Variants in GSDMD observed in about 807,000 individuals in gnomAD.
The protein encoded by GSDMD is gasdermin D.
A neutral mutation model predicts 46.7 loss-of-function variants in GSDMD; 46 were observed. The ratio of observed to expected loss-of-function variants is 0.99; its 90% confidence interval spans 0.78 to 1.26. The LOEUF is 1.26. GSDMD is among the 50% of genes most tolerant of loss of function. The probability of loss-of-function intolerance (pLI) is 0.00; values close to 1 mark genes in which losing one functional copy is unlikely to be tolerated. For missense variants in GSDMD, 649 were observed against 638.8 expected (o/e 1.02, Z -0.17); for synonymous variants, 307 against 283.1 (o/e 1.08, Z -0.85).
upstream of GSDMD, chr8:143,558,074 A>G: frequency 2.3e-6 from 1 of 436,106 alleles, no homozygotes; most frequent in South Asian, 2.1e-5. Flanking sequence ...TTGTATTTTT[A>G]GTAGAGACGG....
chr8:143,560,634 C>T lies in GSDMD; in HGVS notation c.442C>T (p.Gln148Ter), dbSNP rs1408193906. 9 of 1,590,272 alleles carry T rather than the reference C, an allele frequency of 5.7e-6. No homozygotes were observed. Among genetic ancestry groups the T allele is most frequent in the Non-Finnish European group, 7.7e-6 (9 of 1,168,924 alleles). The change falls in exon 4 of 11, where the codon CAG becomes TAG. Residue 148 changes from glutamine (Q) to a stop codon, truncating the protein, a stop_gained. Coordinates refer to ENST00000262580, the MANE Select transcript of GSDMD (RefSeq NM_024736.7). LOFTEE classifies it high-confidence loss of function. ...GCGGCAGCCAGAACACAAAGTCCTG[C>T]AGCAGCTGCGCAGCCGCGGGGACAA... ...HLRQPEHKVL[Q>*]QLRSRGDNVY...
At chr8:143,557,337 T>TGACGACAGATGCTGCCGCTGTGGC (rs1563902640), upstream of GSDMD, among the ~76,000 whole-genome samples, 2 of 61,426 alleles carry the variant, frequency 3.3e-5, no homozygotes, top group Admixed American at 1.4e-4. Context: ...GCCGCTATGG[T>TGACGACAGATGCTGCCGCTGTGGC]GAAGGATGCT....
intron 3 of GSDMD, 144 bp downstream of exon 3, chr8:143,560,113 GTCC>G (rs1823415534): frequency 1.2e-6 from 1 of 800,658 alleles, no homozygotes; most frequent in Admixed American, 2.0e-5. Flanking sequence ...GCCTCAAGCA[GTCC>G]TCCTGCCTCG....
intron 5 of GSDMD, 116 bp from the exon 6 acceptor site, chr8:143,561,254 G>T: frequency 8.2e-7 from 1 of 1,216,942 alleles, no homozygotes; most frequent in Non-Finnish European, 1.2e-6. Flanking sequence ...GTGCTCTGGT[G>T]TGTGGGTGAT....
At position 143,559,937 on chromosome 8, in the gene GSDMD, C is replaced by T. The variant is rs1823409164; in HGVS notation, c.378C>T (p.Asp126=). ...TGAATGTGTACTCGCTGAGTGTGGA[C>T]CCTAACACCTGGCAGACTCTGCTCC... ...TSMNVYSLSV[D]PNTWQTLLHE... Residue 126 remains aspartate (D), a synonymous_variant, in exon 3 of 11, where the codon GAC becomes GAT. Transcript: ENST00000262580. 1 of 1,612,748 alleles carries T rather than the reference C, an allele frequency of 6.2e-7. No homozygotes were observed. Among genetic ancestry groups the T allele is most frequent in the African/African-American group, 1.3e-5 (1 of 75,056 alleles).
At position 143,560,724 on chromosome 8, in the gene GSDMD, C is replaced by T. The variant is rs1486536233; in HGVS notation, c.532C>T (p.Arg178Trp). 5.1e-6 allele frequency: 8 copies of T among 1,567,604 alleles called. No individual in the cohort carries two copies. Among genetic ancestry groups the T allele is most frequent in the East Asian group, 4.7e-5 (2 of 42,540 alleles). The change falls in exon 4 of 11, where the codon CGG becomes TGG. Residue 178 changes from arginine to tryptophan, a missense_variant. Transcript: ENST00000262580. ...GGTGGAAGTCACGCGCACCCACAAG[C>T]GGGAGGGCTCGGGCCGGTTTTCCCT... Reference protein sequence around the residue: ...KEVEVTRTHKREGSGRFSLPG... With the variant: ...KEVEVTRTHKWEGSGRFSLPG...
chr8:143,557,414 G>T (rs564384130), upstream of GSDMD, among the ~76,000 whole-genome samples: 4 of 151,956 alleles, frequency 2.6e-5, no homozygotes, highest in African/African-American at 4.8e-5. Context: ...AGCTGCTGCC[G>T]CTGTGGCGAA....
At chr8:143,557,375 A>T (rs76515962), upstream of GSDMD, among the ~76,000 whole-genome samples, 1,600 of 70,778 alleles carry the variant, frequency 0.023, 46 homozygotes, top group South Asian at 0.038. Context: ...TGCTGCCGCT[A>T]TGGCGAAGGA....
intron 1 of GSDMD, chr8:143,558,814 A>C (rs550971647): frequency 1.8e-6 from 1 of 566,784 alleles, no homozygotes; most frequent in Admixed American, 2.2e-5. Flanking sequence ...CCCCTATCCC[A>C]GCGGAGGCCC....
At position 143,562,682 on chromosome 8, in the gene GSDMD, G is replaced by C. The variant is rs769506098; in HGVS notation, c.1233G>C (p.Gln411His). 9 of 1,606,406 alleles carry C rather than the reference G, an allele frequency of 5.6e-6. No individual in the cohort carries two copies. The highest frequency in any genetic ancestry group is 7.6e-6 in the Non-Finnish European group (9 of 1,177,186). ...GGCAGGTGGGCAGCCTCTTGGAGCA[G>C]AGTGCCCCGTGGCAGGAGCGCAGCA... ...PLELVGSLLE[Q>H]SAPWQERSTM... Residue 411 changes from glutamine to histidine, a missense_variant, in exon 11 of 11, where the codon CAG becomes CAC. Coordinates refer to ENST00000262580, the MANE Select transcript of GSDMD (RefSeq NM_024736.7).
chr8:143,560,942 G>A lies in GSDMD; in HGVS notation c.580-60G>A, dbSNP rs762143055. On this transcript the variant is annotated intron_variant, in intron 4 of 10. Coordinates refer to ENST00000262580, the MANE Select transcript of GSDMD (RefSeq NM_024736.7). ...CGGGCCTGCCCCCGGCACCCGGCCC[G>A]CACCCGCACCCCACGGCCCGGTGCC... The A allele has an allele frequency of 1.4e-4, 212 of 1,512,856 alleles. 1 individual carries two copies. The highest frequency in any genetic ancestry group is 3.3e-4 in the South Asian group (29 of 88,404). The allele number at this position is 1,512,856 out of a possible 1,614,324, so 93.7% of individuals were successfully genotyped here. A position where few individuals can be genotyped will look rare whatever the true frequency, so the allele number is the denominator to read the frequency against.
At position 143,559,893 on chromosome 8, in the gene GSDMD, G is replaced by A. The variant is rs1228286870; in HGVS notation, c.334G>A (p.Asp112Asn). 6.2e-7 allele frequency: 1 copy of A among 1,612,816 alleles called. No individual in the cohort carries two copies. Among genetic ancestry groups the A allele is most frequent in the Admixed American group, 1.7e-5 (1 of 60,020 alleles). ...GATCGCAGGCGGGGCCGCGGTGTCTGACAGCTCCAGCACCTCAATGAATGT... is the reference window on the plus strand; with the variant it reads ...GATCGCAGGCGGGGCCGCGGTGTCTAACAGCTCCAGCACCTCAATGAATGT... Reference protein sequence around the residue: ...AKIAGGAAVSDSSSTSMNVYS... With the variant: ...AKIAGGAAVSNSSSTSMNVYS... Residue 112 changes from aspartate to asparagine, a missense_variant, in exon 3 of 11, where the codon GAC (aspartate) becomes AAC (asparagine). Asp to Asn is a conservative substitution (Grantham distance 23). Transcript: ENST00000262580.
chr8:143,555,324 G>C (rs1409577120), upstream of GSDMD: 2 of 152,350 alleles, frequency 1.3e-5, no homozygotes, highest in Admixed American at 1.3e-4. Flanking sequence ...AAGGCCAAGA[G>C]GCAGAATGTG....
At chr8:143,557,481 T>C (rs1034980925), upstream of GSDMD, among the ~76,000 whole-genome samples, 1 of 149,076 alleles carries the variant, frequency 6.7e-6, no homozygotes. Flanking sequence ...GATGCCGCTG[T>C]GACGACGGAT....
Position 143,562,113 on chromosome 8 carries a change from G to T in GSDMD, c.978G>T (p.Leu326=), listed in dbSNP as rs758082787. The part of the protein sequence containing the change: ...LEGVLRDQLA[L]RALEEALEQG... ...GGGTGCTGCGGGACCAGCTGGCCCT[G>T]CGAGCCTTGGAGGAGGCGGTGAGCG... is the stretch of plus-strand genomic sequence containing the variant. The change falls in exon 8 of 11, where the codon CTG becomes CTT. Residue 326 remains leucine, a synonymous_variant. Coordinates refer to ENST00000262580, the MANE Select transcript of GSDMD (RefSeq NM_024736.7). 3 of 1,597,746 alleles carry T rather than the reference G, an allele frequency of 1.9e-6. No homozygotes were observed. In the Admixed American group the frequency reaches 5.0e-5, roughly 27 times the overall value.
chr8:143,560,976 G>GCCCCGAGCCCAT (rs1199923965), intron 4 of GSDMD, 26 bp from the exon 5 acceptor site: 5 of 1,598,690 alleles, frequency 3.1e-6, no homozygotes. Flanking sequence ...CCAGGGCCCA[G>GCCCCGAGCCCAT]CCCCGAGCCC....
At chr8:143,560,862 C>T (rs1476397231) in intron 4 of GSDMD, 91 bp downstream of exon 4, 20 of 1,436,034 alleles carry the variant, frequency 1.4e-5, no homozygotes, top group African/African-American at 2.9e-5. Context: ...CGCCAAGGCC[C>T]CTCGGAGCAG....
At chr8:143,557,651 G>T (rs552112362), upstream of GSDMD, among the ~76,000 whole-genome samples, 3 of 152,354 alleles carry the variant, frequency 2.0e-5, no homozygotes, top group Admixed American at 2.0e-4. Context: ...GGCCGCACGG[G>T]TTGACATTCC....
chr8:143,557,783 C>T (rs1216569657), upstream of GSDMD: 7 of 313,174 alleles, frequency 2.2e-5, no homozygotes, highest in South Asian at 4.7e-5. Flanking sequence ...TTTGCATTTC[C>T]TTGATGACTA....
Sources: allele counts gnomAD v4.1 joint callset (sites outside exome capture counted in the v4.1 genomes callset), GRCh38; gene constraint gnomAD v4.1.1; transcripts MANE v1.5; gene names NCBI Gene and HGNC (gene_info 2026-07-23, HGNC 2026-07-21).